TOX: variants seen among roughly 807,000 people sequenced by gnomAD.
TOX encodes the protein thymocyte selection associated high mobility group box.
Under a neutral mutation model 53.7 loss-of-function variants are expected in TOX, and 11 were observed. The observed-to-expected ratio is 0.20, with a 90% CI of 0.13 to 0.34. The LOEUF is 0.34. Ranked by LOEUF, TOX falls within the 10% of genes least tolerant of loss-of-function variation. The probability of loss-of-function intolerance (pLI) is 1.00; values close to 1 mark genes in which losing one functional copy is unlikely to be tolerated. For missense variants in TOX, 570 were observed against 664.6 expected, an observed-to-expected ratio of 0.86 and a Z score of 1.56; for synonymous variants, 225 against 245.3, an observed-to-expected ratio of 0.92 and a Z score of 0.77.
chr8:59,076,261 C>T (rs760097190), intron 1 of TOX, among the ~76,000 whole-genome samples: 37 of 152,090 alleles, frequency 2.4e-4, no homozygotes, highest in Admixed American at 7.2e-4. Context: ...ATTAGAAAAG[C>T]CTGGTGAGGA....
At chr8:58,863,817 C>T (rs1811050924) in intron 3 of TOX, among the ~76,000 whole-genome samples, 1 of 152,032 alleles carries the variant, frequency 6.6e-6, no homozygotes, top group Admixed American at 6.6e-5. Flanking sequence ...TATCCCTGTA[C>T]TCAAATAACT....
intron 3 of TOX, among the ~76,000 whole-genome samples, chr8:58,909,455 CTT>C (rs1181681761): frequency 6.6e-6 from 1 of 152,122 alleles, no homozygotes; most frequent in Non-Finnish European, 1.5e-5. Flanking sequence ...AACAAGATCA[CTT>C]GGTGATTTGT....
At chr8:58,864,817 C>T (rs1258222662) in intron 3 of TOX, among the ~76,000 whole-genome samples, 1 of 152,074 alleles carries the variant, frequency 6.6e-6, no homozygotes, top group African/African-American at 2.4e-5. Context: ...TATGTGAAAG[C>T]TTAATAACTC....
intron 3 of TOX, among the ~76,000 whole-genome samples, chr8:58,880,398 G>A (rs914060791): frequency 4.6e-5 from 7 of 152,140 alleles, no homozygotes; most frequent in Admixed American, 2.0e-4. Flanking sequence ...AATATCTGGC[G>A]TATATTAAGA....
intron 1 of TOX, among the ~76,000 whole-genome samples, chr8:59,095,162 T>C (rs944804537): frequency 2.0e-5 from 3 of 152,240 alleles, no homozygotes; most frequent in Non-Finnish European, 4.4e-5. Flanking sequence ...TGTTGAATTA[T>C]GTAATTGAGG....
rs1344338427 is a variant in TOX at position 59,118,308 on chromosome 8, T to C, written c.102+578A>G. 6.6e-6 allele frequency among the ~76,000 whole-genome samples: 1 copy of C among 152,222 alleles called. No individual in the cohort carries two copies. Among genetic ancestry groups the C allele is most frequent in the African/African-American group, 2.4e-5 (1 of 41,474 alleles). On this transcript the variant is annotated intron_variant, in intron 1 of 8. Transcript: ENST00000361421. The surrounding 1 kb of genome is among the most constrained non-coding windows in gnomAD (Gnocchi z 4.1). ...CTGTGCTCTGGCCCGCGGACCTGTG[T>C]CCGAACCCGGGCTCGGCTGCCGGAA... is the stretch of plus-strand genomic sequence containing the variant.
chr8:58,807,814 T>A lies in TOX; in HGVS notation c.1545-31A>T, dbSNP rs371481056. 1.9e-6 allele frequency: 3 copies of A among 1,613,654 alleles called. No homozygotes were observed. The African/African-American group carries it at 4.0e-5, about 22-fold the overall frequency. The stretch of plus-strand genomic sequence containing the variant: ...GGAAGAGAAAAAAGACAGTTCCTTG[T>A]TACAGGACAACCTGTGCTACAGGTG... On this transcript the variant is annotated intron_variant, in intron 8 of 8. Coordinates refer to ENST00000361421, the MANE Select transcript of TOX (RefSeq NM_014729.3).
intron 1 of TOX, among the ~76,000 whole-genome samples, chr8:59,071,025 C>A (rs749881010): frequency 2.6e-5 from 4 of 152,184 alleles, no homozygotes; most frequent in Non-Finnish European, 5.9e-5. Flanking sequence ...TGCACCTACA[C>A]AAGGGAATGA....
At chr8:58,905,089 C>T (rs1000609860) in intron 3 of TOX, among the ~76,000 whole-genome samples, 3 of 152,138 alleles carry the variant, frequency 2.0e-5, no homozygotes, top group Non-Finnish European at 4.4e-5. Context: ...CGCGCCACCA[C>T]GCCCAGCTAA....
Position 59,050,135 on chromosome 8 carries a change from T to C in TOX, c.102+68751A>G, listed in dbSNP as rs570884426. ...GCACTCCTAAGCCTTGTGCTAAATA[T>C]AGGAGAGCTTGGAATTTCACGCATT... On this transcript the variant is annotated intron_variant, in intron 1 of 8. Coordinates refer to ENST00000361421, the MANE Select transcript of TOX (RefSeq NM_014729.3). Among the ~76,000 whole-genome samples, 8 of 152,242 alleles carry C rather than the reference T, an allele frequency of 5.3e-5. No homozygotes were observed. In the East Asian group the frequency reaches 1.5e-3, roughly 29 times the overall value.
At chr8:58,854,495 C>T (rs557626736) in intron 3 of TOX, among the ~76,000 whole-genome samples, 1 of 95,478 alleles carries the variant, frequency 1.0e-5, no homozygotes, top group South Asian at 3.0e-4. Context: ...GATCTCTGGA[C>T]ACTAAAATCT....
At chr8:58,852,600 G>C (rs1255657242) in intron 3 of TOX, among the ~76,000 whole-genome samples, 1 of 152,160 alleles carries the variant, frequency 6.6e-6, no homozygotes, top group Admixed American at 6.5e-5. Context: ...AAGGTATCTA[G>C]AGGTCAAATG....
intron 1 of TOX, among the ~76,000 whole-genome samples, chr8:59,078,815 A>G (rs79126650): frequency 0.016 from 2,466 of 152,336 alleles, 23 homozygotes; most frequent in Non-Finnish European, 0.025. Flanking sequence ...AGAAAAGTGT[A>G]TAACTTCTTA....
chr8:58,858,363 C>T (rs1662484697), intron 3 of TOX, among the ~76,000 whole-genome samples: 4 of 152,212 alleles, frequency 2.6e-5, no homozygotes, highest in Non-Finnish European at 5.9e-5. Context: ...ACACACCAGC[C>T]TTGAAAGCTA....
intron 2 of TOX, among the ~76,000 whole-genome samples, chr8:58,956,031 G>C (rs568026272): frequency 6.6e-6 from 1 of 152,016 alleles, no homozygotes; most frequent in Non-Finnish European, 1.5e-5. Flanking sequence ...AACCACGCCC[G>C]GCAGAAGAGG....
intron 6 of TOX, among the ~76,000 whole-genome samples, chr8:58,818,983 C>T (rs935340641): frequency 2.0e-5 from 3 of 152,150 alleles, no homozygotes; most frequent in Admixed American, 6.5e-5. Context: ...CTTCTGGCTT[C>T]GCTTTTCATT....
chr8:58,901,654 G>A (rs978114658), intron 3 of TOX, among the ~76,000 whole-genome samples: 1 of 152,006 alleles, frequency 6.6e-6, no homozygotes, highest in Non-Finnish European at 1.5e-5. Flanking sequence ...TACTTCTAAA[G>A]GTAGTAAATA....
intron 1 of TOX, among the ~76,000 whole-genome samples, chr8:58,973,630 A>G (rs1039669310): frequency 6.6e-6 from 1 of 151,968 alleles, no homozygotes; most frequent in East Asian, 1.9e-4. Context: ...TAGTATAAGT[A>G]ATTCCATTAT....
intron 1 of TOX, among the ~76,000 whole-genome samples, chr8:59,059,839 C>A (rs1421587368): frequency 6.6e-6 from 1 of 151,516 alleles, no homozygotes; most frequent in Non-Finnish European, 1.5e-5. Context: ...TAGTGAACAT[C>A]TAGAAAATGT....
Sources: gnomAD v4.1 joint callset for allele counts (sites outside exome capture counted in the v4.1 genomes callset) on GRCh38, gnomAD v4.1.1 for gene constraint, Gnocchi (gnomAD v3.1) non-coding constraint, MANE v1.5 for transcripts, NCBI Gene and HGNC (gene_info 2026-07-23, HGNC 2026-07-21) for gene names.